DCPH1: variants seen among roughly 807,000 people sequenced by gnomAD.
The protein encoded by DCPH1 is damage control phosphatase 1.
the DCPH1 span, chr6:151,458,359 C>G: frequency 6.2e-7 from 1 of 1,613,222 alleles, no homozygotes; most frequent in Non-Finnish European, 8.5e-7. Flanking sequence ...AAAGCTATCT[C>G]TCTCCTTTCT....
the DCPH1 span, chr6:151,454,540 T>C: frequency 7.5e-7 from 1 of 1,334,974 alleles, no homozygotes; most frequent in Non-Finnish European, 1.1e-6. Flanking sequence ...CATGTGACTC[T>C]TTTCTAGATC....
the DCPH1 span, chr6:151,468,535 G>T: frequency 6.2e-7 from 1 of 1,613,932 alleles, no homozygotes. Context: ...AGTGTATATT[G>T]TTCTCGATAA....
chr6:151,461,093 G>A, the DCPH1 span, among the ~76,000 whole-genome samples: 2 of 152,232 alleles, frequency 1.3e-5, no homozygotes, highest in African/African-American at 4.8e-5. Flanking sequence ...AGTAGATTTA[G>A]ATGCCTGTCA....
At chr6:151,455,224 G>A in the DCPH1 span, among the ~76,000 whole-genome samples, 2 of 152,212 alleles carry the variant, frequency 1.3e-5, no homozygotes, top group Non-Finnish European at 2.9e-5. Flanking sequence ...GGGGTGGGTT[G>A]CCCCTCCACA....
chr6:151,455,530 C>T, the DCPH1 span, among the ~76,000 whole-genome samples: 1 of 152,226 alleles, frequency 6.6e-6, no homozygotes, highest in Admixed American at 6.5e-5. Context: ...TTTAGATATG[C>T]ATACACATAA....
At chr6:151,456,169 T>C in the DCPH1 span, among the ~76,000 whole-genome samples, 1 of 152,258 alleles carries the variant, frequency 6.6e-6, no homozygotes, top group South Asian at 2.1e-4. Flanking sequence ...ATCTGATCTC[T>C]CTTGCTTTTC....
chr6:151,468,564 T>C, the DCPH1 span: 2 of 1,614,134 alleles, frequency 1.2e-6, no homozygotes, highest in Non-Finnish European at 1.7e-6. Flanking sequence ...TTGAGCTTGT[T>C]ACAGATTTAA....
the DCPH1 span, chr6:151,452,851 T>C: frequency 2.4e-6 from 1 of 409,524 alleles, no homozygotes; most frequent in Non-Finnish European, 4.3e-6. Flanking sequence ...GGCGGTCACT[T>C]TTTATTTATT....
the DCPH1 span, chr6:151,468,226 A>AGG: frequency 3.1e-6 from 2 of 651,328 alleles, no homozygotes; most frequent in African/African-American, 3.6e-5. Flanking sequence ...ATGGTCATGT[A>AGG]AAGAGTTTTG....
At chr6:151,457,751 A>G in the DCPH1 span, among the ~76,000 whole-genome samples, 1 of 120,834 alleles carries the variant, frequency 8.3e-6, no homozygotes, top group Non-Finnish European at 1.9e-5. Flanking sequence ...TATTAGGCTT[A>G]CATTTTCTTT....
At chr6:151,459,979 A>C in the DCPH1 span, among the ~76,000 whole-genome samples, 1 of 152,198 alleles carries the variant, frequency 6.6e-6, no homozygotes, top group Non-Finnish European at 1.5e-5. Context: ...TGTAAAATAA[A>C]ATTATTTTGG....
the DCPH1 span, chr6:151,469,485 C>A: frequency 6.1e-6 from 1 of 164,292 alleles, no homozygotes; most frequent in South Asian, 1.9e-4. Context: ...TAGTACACTG[C>A]ATGGTATTTA....
At chr6:151,467,530 A>G in the DCPH1 span, among the ~76,000 whole-genome samples, 1 of 152,150 alleles carries the variant, frequency 6.6e-6, no homozygotes, top group Non-Finnish European at 1.5e-5. Context: ...ATTTACATGC[A>G]TTATATCAAT....
chr6:151,459,804 A>G, the DCPH1 span, among the ~76,000 whole-genome samples: 27 of 152,246 alleles, frequency 1.8e-4, no homozygotes, highest in African/African-American at 6.0e-4. Flanking sequence ...CCAAAAAACA[A>G]AAAACTGTTA....
At chr6:151,462,775 G>T in the DCPH1 span, among the ~76,000 whole-genome samples, 2 of 152,116 alleles carry the variant, frequency 1.3e-5, no homozygotes, top group Admixed American at 6.6e-5. Flanking sequence ...TCTAAAATGA[G>T]AATTTATATA....
the DCPH1 span, among the ~76,000 whole-genome samples, chr6:151,466,881 A>G: frequency 2.0e-5 from 3 of 152,196 alleles, no homozygotes; most frequent in Non-Finnish European, 2.9e-5. Flanking sequence ...ACTCTAGAAA[A>G]AGGTGACCTT....
chr6:151,452,792 C>G, the DCPH1 span: 20 of 548,348 alleles, frequency 3.6e-5, no homozygotes, highest in African/African-American at 3.7e-4. Flanking sequence ...CTGCCCGCGG[C>G]GGCTGCTCGT....
At chr6:151,465,221 A>G in the DCPH1 span, among the ~76,000 whole-genome samples, 3 of 152,188 alleles carry the variant, frequency 2.0e-5, no homozygotes, top group African/African-American at 4.8e-5. Flanking sequence ...TTTTTAATTC[A>G]TGCAAACATC....
the DCPH1 span, chr6:151,464,550 C>T: frequency 6.2e-7 from 1 of 1,612,002 alleles, no homozygotes; most frequent in Non-Finnish European, 8.5e-7. Context: ...TCACCTGCAA[C>T]AATTGATAAG....
Sources: gnomAD v4.1 joint callset for allele counts (sites outside exome capture counted in the v4.1 genomes callset) on GRCh38, gnomAD v4.1.1 for gene constraint, MANE v1.5 for transcripts, NCBI Gene and HGNC (gene_info 2026-07-23, HGNC 2026-07-21) for gene names.